CLVS1: variants seen among roughly 807,000 people sequenced by gnomAD.
CLVS1 encodes clavesin 1.
CLVS1 carries 10 observed loss-of-function variants against 33.1 expected under a neutral mutation model. The ratio of observed to expected loss-of-function variants is 0.30; its 90% CI spans 0.19 to 0.51. The LOEUF (loss-of-function observed/expected upper bound fraction) is 0.51. Among genes scored for constraint, CLVS1 ranks in the 20% least tolerant of loss-of-function variants. CLVS1 has a pLI of 0.97. For missense variants in CLVS1, 343 were observed against 433.4 expected, an observed-to-expected ratio of 0.79 and a Z score of 1.85; for synonymous variants, 163 against 166.1, an observed-to-expected ratio of 0.98 and a Z score of 0.14.
At chr8:61,341,005 G>A (rs1812010380) in intron 2 of CLVS1, among the ~76,000 whole-genome samples, 1 of 152,218 alleles carries the variant, frequency 6.6e-6, no homozygotes. Flanking sequence ...CAGTAGCCAT[G>A]CTGTCAGCTC....
chr8:61,043,485 T>C, the CLVS1 span, among the ~76,000 whole-genome samples: 1 of 152,214 alleles, frequency 6.6e-6, no homozygotes, highest in African/African-American at 2.4e-5. Flanking sequence ...AACCAAGTAA[T>C]GGCTCCAATT....
intron 2 of CLVS1, among the ~76,000 whole-genome samples, chr8:61,190,155 G>T (rs764381977): frequency 3.9e-5 from 6 of 152,156 alleles, no homozygotes; most frequent in East Asian, 1.9e-4. Flanking sequence ...TAAAAGAAGA[G>T]AAATTATAAC....
At chr8:61,456,904 CAAG>C (rs1817184987) in intron 4 of CLVS1, among the ~76,000 whole-genome samples, 4 of 142,352 alleles carry the variant, frequency 2.8e-5, no homozygotes, top group Admixed American at 2.8e-4. Context: ...GGCAACAGAG[CAAG>C]ACTCCGTCTC....
At chr8:61,115,534 A>G (rs991136964) in intron 1 of CLVS1, among the ~76,000 whole-genome samples, 1 of 149,890 alleles carries the variant, frequency 6.7e-6, no homozygotes, top group Non-Finnish European at 1.5e-5. Flanking sequence ...CACTCCCCCG[A>G]CCCCACAACA....
chr8:61,093,620 T>C (rs146910779), intron 1 of CLVS1, among the ~76,000 whole-genome samples: 28 of 152,324 alleles, frequency 1.8e-4, no homozygotes, highest in African/African-American at 6.5e-4. Flanking sequence ...ATGTCATAAA[T>C]TAAAAGCAAG....
intron 2 of CLVS1, among the ~76,000 whole-genome samples, chr8:61,172,979 A>G (rs1476146251): frequency 6.6e-6 from 1 of 152,206 alleles, no homozygotes; most frequent in Admixed American, 6.5e-5. Flanking sequence ...TTTATCTTCA[A>G]TGGAGGCTGG....
At chr8:61,019,713 C>T in the CLVS1 span, among the ~76,000 whole-genome samples, 30 of 152,178 alleles carry the variant, frequency 2.0e-4, no homozygotes, top group Non-Finnish European at 1.5e-5. Context: ...CTCAGAGGGA[C>T]AATTTTCCCA....
At chr8:61,254,416 G>A (rs1029779161) in intron 2 of CLVS1, among the ~76,000 whole-genome samples, 16 of 152,192 alleles carry the variant, frequency 1.1e-4, no homozygotes, top group South Asian at 2.1e-4. Context: ...CTCAAGCTGC[G>A]TGCTGGGAGA....
the CLVS1 span, among the ~76,000 whole-genome samples, chr8:61,047,505 C>T: frequency 2.0e-5 from 3 of 152,122 alleles, no homozygotes; most frequent in African/African-American, 2.4e-5. Context: ...ATGTTTATTG[C>T]GGCACTATTC....
intron 5 of CLVS1, among the ~76,000 whole-genome samples, chr8:61,485,145 G>A (rs931193797): frequency 2.6e-5 from 4 of 152,008 alleles, no homozygotes; most frequent in African/African-American, 9.7e-5. Context: ...ACTACCATCA[G>A]AGTGAACAGG....
chr8:61,156,237 C>T (rs1445265969), intron 2 of CLVS1, among the ~76,000 whole-genome samples: 1 of 136,138 alleles, frequency 7.3e-6, no homozygotes, highest in Non-Finnish European at 1.6e-5. Flanking sequence ...AAAAAAAAGC[C>T]TTTGCTGGCT....
At chr8:61,283,966 T>C (rs1809725402), upstream of CLVS1, among the ~76,000 whole-genome samples, 1 of 152,158 alleles carries the variant, frequency 6.6e-6, no homozygotes, top group Non-Finnish European at 1.5e-5. Context: ...TATATTCCAA[T>C]ATATGGAATC....
the CLVS1 span, among the ~76,000 whole-genome samples, chr8:61,043,107 AGCCAT>A: frequency 6.6e-6 from 1 of 152,326 alleles, no homozygotes; most frequent in South Asian, 2.1e-4. Context: ...TAATCAATGG[AGCCAT>A]GGCCCTGAGC....
chr8:61,287,286 T>A (rs1809805440), upstream of CLVS1, among the ~76,000 whole-genome samples: 1 of 152,190 alleles, frequency 6.6e-6, no homozygotes, highest in Non-Finnish European at 1.5e-5. Context: ...TTATTATGCA[T>A]CCCCATTTCT....
intron 1 of CLVS1, among the ~76,000 whole-genome samples, chr8:61,072,046 C>T (rs1357064843): frequency 6.6e-6 from 1 of 152,212 alleles, no homozygotes; most frequent in Non-Finnish European, 1.5e-5. Flanking sequence ...CGCTGGCTTG[C>T]TTAGATGCGG....
At chr8:60,978,747 G>A in the CLVS1 span, among the ~76,000 whole-genome samples, 1 of 148,534 alleles carries the variant, frequency 6.7e-6, no homozygotes. Flanking sequence ...CACGGGAGGT[G>A]GAGGTTGCAG....
chr8:61,273,138 T>C (rs1481752541), intron 2 of CLVS1, among the ~76,000 whole-genome samples: 3 of 149,492 alleles, frequency 2.0e-5, no homozygotes, highest in Admixed American at 2.0e-4. Context: ...ACTTTTGGTC[T>C]TTGATGATGG....
At chr8:61,108,762 G>A (rs1425874500) in intron 1 of CLVS1, among the ~76,000 whole-genome samples, 5 of 152,194 alleles carry the variant, frequency 3.3e-5, no homozygotes, top group Admixed American at 3.3e-4. Context: ...TGATTACAAA[G>A]CTTAGCCCTA....
chr8:61,343,572 T>G (rs530814505), intron 2 of CLVS1, among the ~76,000 whole-genome samples: 2 of 152,292 alleles, frequency 1.3e-5, no homozygotes, highest in Admixed American at 1.3e-4. Context: ...ATCTGAGTAA[T>G]GAAGAGAAGC....
Sources: allele counts gnomAD v4.1 joint callset (sites outside exome capture counted in the v4.1 genomes callset), GRCh38; gene constraint gnomAD v4.1.1; transcripts MANE v1.5; gene names NCBI Gene and HGNC (gene_info 2026-07-23, HGNC 2026-07-21).